KCNG2: variants seen among roughly 807,000 people sequenced by gnomAD.
KCNG2 encodes potassium voltage-gated channel modifier subfamily G member 2.
In KCNG2, 7 loss-of-function variants were observed where a neutral mutation model predicts 12.3. The ratio of observed to expected loss-of-function variants is 0.57; its 90% CI spans 0.32 to 1.07. The LOEUF is 1.07. Among genes scored for constraint, KCNG2 ranks in the 50% least tolerant of loss-of-function variants. The probability of loss-of-function intolerance (pLI) is 0.04; values close to 1 mark genes in which losing one functional copy is unlikely to be tolerated. For synonymous variants in KCNG2, 414 were observed against 351.4 expected, an observed-to-expected ratio of 1.18 and a Z score of -1.99; for missense variants, 703 against 726.0, an observed-to-expected ratio of 0.97 and a Z score of 0.36.
At chr18:79,825,695 G>A (rs912953221) in intron 1 of KCNG2, among the ~76,000 whole-genome samples, 3 of 152,162 alleles carry the variant, frequency 2.0e-5, no homozygotes. Flanking sequence ...ATTTCATAGG[G>A]CTTCAGTTTC....
chr18:79,870,028 T>C lies in KCNG2; in HGVS notation c.624+5737T>C, dbSNP rs1470120754. The stretch of plus-strand genomic sequence containing the variant: ...GCTCAGCCAGGCAGGACCTCCCACC[T>C]CTGGGCCCCCAGCCACCTGGGGGTG... On this transcript the variant is annotated intron_variant, in intron 3 of 3. Coordinates refer to ENST00000316249, the MANE Select transcript of KCNG2 (RefSeq NM_012283.2). Among the ~76,000 whole-genome samples, 4 of 152,200 alleles carry C rather than the reference T, an allele frequency of 2.6e-5. No individual in the cohort carries two copies. In the East Asian group the frequency reaches 7.7e-4, roughly 29 times the overall value.
At chr18:79,807,733 G>C (rs578223597) in intron 1 of KCNG2, among the ~76,000 whole-genome samples, 70 of 152,148 alleles carry the variant, frequency 4.6e-4, no homozygotes, top group African/African-American at 1.6e-3. Flanking sequence ...GCCACTGACG[G>C]GCACTCCATG....
rs1460216676 is a variant in KCNG2 at position 79,800,319 on chromosome 18, A to G, written c.-115+2305A>G. ...ATGGGTAATTTTGTAATGAATGGGG[A>G]TATCTTAGGGCTAACGCTTGGTCAG... On this transcript the variant is annotated intron_variant, in intron 1 of 3. Coordinates refer to ENST00000316249, the MANE Select transcript of KCNG2 (RefSeq NM_012283.2). The surrounding 1 kb of genome is among the most constrained non-coding windows in gnomAD (Gnocchi z 4.0). Among the ~76,000 whole-genome samples, 1 of 151,528 alleles carries G rather than the reference A, an allele frequency of 6.6e-6. No individual in the cohort carries two copies. The highest frequency in any genetic ancestry group is 1.5e-5 in the Non-Finnish European group (1 of 67,910).
chr18:79,892,746 G>C (rs189114652), intron 3 of KCNG2, among the ~76,000 whole-genome samples: 1 of 151,984 alleles, frequency 6.6e-6, no homozygotes, highest in African/African-American at 2.4e-5. Context: ...GTCTGCTTTT[G>C]ATTGGGTTGT....
At chr18:79,861,108 C>CGTATTATA (rs1979200242) in intron 2 of KCNG2, among the ~76,000 whole-genome samples, 1 of 152,066 alleles carries the variant, frequency 6.6e-6, no homozygotes, top group Non-Finnish European at 1.5e-5. Flanking sequence ...TATAAATGAG[C>CGTATTATA]GTATTATAGT....
In KCNG2 at chr18:79,863,927, C is replaced by G; in HGVS notation, c.260C>G (p.Ala87Gly). ...CGCGCCATCGTGGCGCTTTTGCGCG[C>G]AGGGAAGCTGCGACTGCTGCGGGGC... ...AFRAIVALLR[A>G]GKLRLLRGPC... Residue 87 changes from alanine to glycine, a missense_variant, in exon 3 of 4, where the codon GCA becomes GGA. By Grantham distance (60) the Ala-to-Gly change is moderately conservative. Transcript: ENST00000316249. The G allele has an allele frequency of 7.3e-7, 1 of 1,374,910 alleles. No individual in the cohort carries two copies. The highest frequency in any genetic ancestry group is 9.4e-7 in the Non-Finnish European group (1 of 1,059,156). 85.2% of individuals were successfully genotyped at this position (1,374,910 alleles called of 1,614,324 possible). A position where few individuals can be genotyped will look rare whatever the true frequency, so the allele number is the denominator to read the frequency against.
intron 1 of KCNG2, among the ~76,000 whole-genome samples, chr18:79,824,632 G>C (rs1447718162): frequency 6.6e-6 from 1 of 152,170 alleles, no homozygotes; most frequent in Non-Finnish European, 1.5e-5. Context: ...AGCGGCTTTA[G>C]AACTTAACAC....
At position 79,884,399 on chromosome 18, in the gene KCNG2, G is replaced by A. The variant is rs897322405; in HGVS notation, c.625-14641G>A. 1.3e-5 allele frequency among the ~76,000 whole-genome samples: 2 copies of A among 152,190 alleles called. No individual in the cohort carries two copies. Among genetic ancestry groups the A allele is most frequent in the Admixed American group, 6.5e-5 (1 of 15,284 alleles). ...CACCACTGCTGGATTCCCGTCCTCC[G>A]GTGAGGGCGCCTCTGCTCAACCCCG... On this transcript the variant is annotated intron_variant, in intron 3 of 3. Coordinates refer to ENST00000316249, the MANE Select transcript of KCNG2 (RefSeq NM_012283.2). This position sits in a 1 kb window ranked among gnomAD's most constrained non-coding sequence, Gnocchi z 5.5.
Position 79,893,539 on chromosome 18 carries a change from G to A in KCNG2, c.625-5501G>A, listed in dbSNP as rs149287533. ...TCACTCCATGCACATCTAATGGTTC[G>A]ATTGATATAGCTGGGTCTGCGTCTC... On this transcript the variant is annotated intron_variant, in intron 3 of 3. Coordinates refer to ENST00000316249, the MANE Select transcript of KCNG2 (RefSeq NM_012283.2). Among the ~76,000 whole-genome samples the A allele has an allele frequency of 1.5e-3, 226 of 151,746 alleles. 1 individual carries two copies. The highest frequency in any genetic ancestry group is 2.7e-3 in the Non-Finnish European group (182 of 67,950).
chr18:79,810,928 T>C (rs916333850), intron 1 of KCNG2, among the ~76,000 whole-genome samples: 5 of 152,218 alleles, frequency 3.3e-5, no homozygotes, highest in Non-Finnish European at 7.3e-5. Flanking sequence ...ACTCAGCGTG[T>C]TGTTGTATAC....
Position 79,864,279 on chromosome 18 carries a change from CGAG to C in KCNG2, c.619_621del (p.Glu207del). On this transcript the variant is annotated inframe_deletion, in exon 3 of 4. Transcript: ENST00000316249. ...TGAGCACCATGCCGGACATCCGCGC[CGAG>C]GAGGAGCGGGTGAGCGCGGCCGGGG... is the stretch of plus-strand genomic sequence containing the variant. 6.6e-7 allele frequency: 1 copy of C among 1,514,490 alleles called. No homozygotes were observed. The highest frequency in any genetic ancestry group is 8.8e-7 in the Non-Finnish European group (1 of 1,134,238). 93.8% of individuals were successfully genotyped at this position (1,514,490 alleles called of 1,614,324 possible).
intron 1 of KCNG2, among the ~76,000 whole-genome samples, chr18:79,816,887 C>T (rs1445789654): frequency 6.6e-6 from 1 of 152,238 alleles, no homozygotes; most frequent in Admixed American, 6.5e-5. Context: ...TGCCTTGAGG[C>T]TGTATGGAGG....
chr18:79,898,248 G>A (rs887684170), intron 3 of KCNG2, among the ~76,000 whole-genome samples: 1 of 152,192 alleles, frequency 6.6e-6, no homozygotes, highest in African/African-American at 2.4e-5. Context: ...CCAGGGATTT[G>A]GGGGATGGGG....
intron 3 of KCNG2, among the ~76,000 whole-genome samples, chr18:79,876,695 C>T (rs1224559075): frequency 3.3e-5 from 5 of 152,374 alleles, no homozygotes; most frequent in East Asian, 1.9e-4. Flanking sequence ...GAATCATCAA[C>T]GACACCCTTG....
Position 79,884,424 on chromosome 18 carries a change from G to A in KCNG2, c.625-14616G>A, listed in dbSNP as rs905299243. On this transcript the variant is annotated intron_variant, in intron 3 of 3. Transcript: ENST00000316249. The surrounding 1 kb of genome is among the most constrained non-coding windows in gnomAD (Gnocchi z 5.5). ...GGTGAGGGCGCCTCTGCTCAACCCC[G>A]GCCTGGCAGGGACTGGCTGGTTCCC... is the stretch of plus-strand genomic sequence containing the variant. Among the ~76,000 whole-genome samples the A allele has an allele frequency of 3.9e-5, 6 of 152,182 alleles. No individual in the cohort carries two copies. Among genetic ancestry groups the A allele is most frequent in the African/African-American group, 7.2e-5 (3 of 41,446 alleles).
chr18:79,897,601 C>T (rs9964874), intron 3 of KCNG2, among the ~76,000 whole-genome samples: 4,845 of 152,222 alleles, frequency 0.032, 276 homozygotes, highest in African/African-American at 0.11. Context: ...ATGAGTCATA[C>T]TTTCCTTCTT....
At chr18:79,844,861 A>T (rs1978570483) in intron 1 of KCNG2, among the ~76,000 whole-genome samples, 1 of 152,240 alleles carries the variant, frequency 6.6e-6, no homozygotes, top group African/African-American at 2.4e-5. Flanking sequence ...AAAACTAAAT[A>T]TGCAACTAGC....
chr18:79,804,925 A>G (rs951118044), intron 1 of KCNG2, among the ~76,000 whole-genome samples: 2 of 152,232 alleles, frequency 1.3e-5, no homozygotes, highest in Admixed American at 1.3e-4. Flanking sequence ...GATAGTTTCA[A>G]TGTGTATTTA....
At chr18:79,860,846 A>C (rs1979187802) in intron 2 of KCNG2, among the ~76,000 whole-genome samples, 1 of 152,124 alleles carries the variant, frequency 6.6e-6, no homozygotes, top group African/African-American at 2.4e-5. Flanking sequence ...TTCCAGTTCA[A>C]TGTTAAGTAG....
Sources: gnomAD v4.1 joint callset for allele counts (sites outside exome capture counted in the v4.1 genomes callset) on GRCh38, gnomAD v4.1.1 for gene constraint, Gnocchi (gnomAD v3.1) non-coding constraint, MANE v1.5 for transcripts, NCBI Gene and HGNC (gene_info 2026-07-23, HGNC 2026-07-21) for gene names.